The following HMGCLL1 variants were observed in gnomAD, a reference collection of about 807,000 sequenced individuals.
The protein encoded by HMGCLL1 is 3-hydroxymethyl-3-methylglutaryl-CoA lyase, cytoplasmic.
In HMGCLL1, 36 loss-of-function variants were observed where a neutral mutation model predicts 39.1. The observed-to-expected ratio is 0.92, with a 90% confidence interval of 0.71 to 1.22. The LOEUF (loss-of-function observed/expected upper bound fraction) is 1.22. HMGCLL1 is among the 50% of genes most tolerant of loss of function. HMGCLL1 has a pLI of 0.00. For synonymous variants in HMGCLL1, 149 were observed against 144.0 expected, an observed-to-expected ratio of 1.03 and a Z score of -0.25; for missense variants, 451 against 416.5, an observed-to-expected ratio of 1.08 and a Z score of -0.72.
At chr6:55,675,277 A>C in the HMGCLL1 span, among the ~76,000 whole-genome samples, 1 of 152,054 alleles carries the variant, frequency 6.6e-6, no homozygotes, top group Admixed American at 6.6e-5. Context: ...ACACACACAT[A>C]TTTTATCCAA....
chr6:55,647,535 T>C, the HMGCLL1 span, among the ~76,000 whole-genome samples: 1 of 148,872 alleles, frequency 6.7e-6, no homozygotes, highest in Non-Finnish European at 1.5e-5. Context: ...AATTTATTGC[T>C]TTTTAGATTT....
the HMGCLL1 span, among the ~76,000 whole-genome samples, chr6:55,589,162 T>C: frequency 6.6e-6 from 1 of 152,084 alleles, no homozygotes; most frequent in Non-Finnish European, 1.5e-5. Context: ...CTCAATGAAA[T>C]ACTGGCAAAC....
chr6:55,625,246 T>C, the HMGCLL1 span, among the ~76,000 whole-genome samples: 4 of 152,094 alleles, frequency 2.6e-5, no homozygotes, highest in African/African-American at 9.7e-5. Context: ...GAATTGCCTA[T>C]CATGAACTGG....
chr6:55,527,959 C>G (rs1027214867), intron 3 of HMGCLL1, among the ~76,000 whole-genome samples: 14 of 151,986 alleles, frequency 9.2e-5, no homozygotes, highest in African/African-American at 3.4e-4. Context: ...CATAAATTCT[C>G]TGTTTAATCA....
chr6:55,570,518 A>G (rs1771425199), intron 1 of HMGCLL1, among the ~76,000 whole-genome samples: 2 of 152,214 alleles, frequency 1.3e-5, no homozygotes, highest in Admixed American at 6.5e-5. Flanking sequence ...TGATTTGGCC[A>G]TATAGTCTCT....
chr6:55,453,209 C>T (rs1764177992), intron 7 of HMGCLL1, among the ~76,000 whole-genome samples: 1 of 152,130 alleles, frequency 6.6e-6, no homozygotes, highest in Non-Finnish European at 1.5e-5. Context: ...GACGGAATCT[C>T]GCTCTGTCGC....
At chr6:55,664,484 T>C in the HMGCLL1 span, among the ~76,000 whole-genome samples, 2 of 151,692 alleles carry the variant, frequency 1.3e-5, no homozygotes, top group Admixed American at 6.6e-5. Flanking sequence ...TATACAGAGA[T>C]TAATAATATA....
Position 55,487,201 on chromosome 6 carries a change from CT to C in HMGCLL1, c.795+8217del, listed in dbSNP as rs796989176. ...GTCTCTGGTCTTCAGACCTTTTGTA[CT>C]TTTTTTTTTACAATTTGTGTGCCTT... On this transcript the variant is annotated intron_variant, in intron 7 of 8. Coordinates refer to ENST00000274901, the MANE Select transcript of HMGCLL1 (RefSeq NM_001042406.2). Among the ~76,000 whole-genome samples the C allele has an allele frequency of 1.4e-4, 21 of 148,236 alleles. No individual in the cohort carries two copies. In the South Asian group the frequency reaches 1.5e-3, roughly 11 times the overall value.
At chr6:55,468,942 AAT>A (rs78139893) in intron 7 of HMGCLL1, among the ~76,000 whole-genome samples, 32,362 of 151,590 alleles carry the variant, frequency 0.21, 4,538 homozygotes, top group African/African-American at 0.41. Context: ...GAGACTACAA[AAT>A]ATGTTTGGAG....
At chr6:55,622,260 A>C in the HMGCLL1 span, among the ~76,000 whole-genome samples, 1 of 151,896 alleles carries the variant, frequency 6.6e-6, no homozygotes, top group Admixed American at 6.6e-5. Flanking sequence ...GATGCCCTTT[A>C]TTTCTTTCTC....
intron 7 of HMGCLL1, among the ~76,000 whole-genome samples, chr6:55,484,743 T>TA (rs201458710): frequency 0.023 from 3,575 of 152,220 alleles, 56 homozygotes; most frequent in Middle Eastern, 0.037. Context: ...CCCCTATAGT[T>TA]ACCACATTTA....
chr6:55,671,193 C>A, the HMGCLL1 span, among the ~76,000 whole-genome samples: 1 of 151,742 alleles, frequency 6.6e-6, no homozygotes, highest in South Asian at 2.1e-4. Context: ...ATACCACTCC[C>A]ATGAATATGT....
chr6:55,579,330 G>A, upstream of HMGCLL1: 1 of 530,780 alleles, frequency 1.9e-6, no homozygotes, highest in Non-Finnish European at 3.4e-6. Context: ...CTGAGCCAGA[G>A]GATGTCCAGG....
chr6:55,519,456 T>G (rs1253101535), intron 3 of HMGCLL1, among the ~76,000 whole-genome samples: 1 of 152,182 alleles, frequency 6.6e-6, no homozygotes, highest in Non-Finnish European at 1.5e-5. Context: ...ACACAGTTTT[T>G]GATTGCATAT....
chr6:55,623,924 G>A, the HMGCLL1 span, among the ~76,000 whole-genome samples: 16 of 152,040 alleles, frequency 1.1e-4, no homozygotes, highest in South Asian at 2.1e-4. Flanking sequence ...TCCAGGGACC[G>A]ACTGTAAGTC....
chr6:55,435,491 T>C lies in HMGCLL1; in HGVS notation c.*171A>G. ...CTTGCAATTTACCTGATGACTGATA[T>C]TGCATTTTGTTGACTTAATCTATCC... On this transcript the variant is annotated 3_prime_UTR_variant, in exon 9 of 9. Coordinates refer to ENST00000274901, the MANE Select transcript of HMGCLL1 (RefSeq NM_001042406.2). 2.5e-6 allele frequency: 1 copy of C among 395,196 alleles called. No homozygotes were observed. 24.5% of individuals were successfully genotyped at this position (395,196 alleles called of 1,614,324 possible).
At chr6:55,570,279 T>C (rs1004860509) in intron 1 of HMGCLL1, among the ~76,000 whole-genome samples, 2 of 152,206 alleles carry the variant, frequency 1.3e-5, no homozygotes, top group African/African-American at 4.8e-5. Context: ...TTCTAACACA[T>C]TCTCAGCCTC....
chr6:55,441,433 C>T (rs1763593897), intron 7 of HMGCLL1, among the ~76,000 whole-genome samples: 1 of 152,104 alleles, frequency 6.6e-6, no homozygotes, highest in South Asian at 2.1e-4. Context: ...AGTTTGGCTT[C>T]TTTGTCAGAT....
At chr6:55,673,177 G>T in the HMGCLL1 span, among the ~76,000 whole-genome samples, 1 of 151,964 alleles carries the variant, frequency 6.6e-6, no homozygotes, top group African/African-American at 2.4e-5. Flanking sequence ...CTCTGTAGGT[G>T]AGGTGTGTCT....
Sources: gnomAD v4.1 joint callset for allele counts (sites outside exome capture counted in the v4.1 genomes callset) on GRCh38, gnomAD v4.1.1 for gene constraint, MANE v1.5 for transcripts, NCBI Gene and HGNC (gene_info 2026-07-23, HGNC 2026-07-21) for gene names.